Variants in MBOAT1 observed in about 807,000 individuals in gnomAD.
The protein encoded by MBOAT1 is membrane-bound glycerophospholipid O-acyltransferase 1.
MBOAT1 carries 67 observed loss-of-function variants against 64.4 expected under a neutral mutation model. The ratio of observed to expected loss-of-function variants is 1.04; its 90% CI spans 0.85 to 1.27. The LOEUF is 1.27. Among genes scored for constraint, MBOAT1 ranks in the 50% most tolerant of loss-of-function variants. MBOAT1 has a pLI of 0.00. For synonymous variants in MBOAT1, 229 were observed against 218.9 expected, an observed-to-expected ratio of 1.05 and a Z score of -0.41; for missense variants, 563 against 604.6, an observed-to-expected ratio of 0.93 and a Z score of 0.72.
chr6:20,192,995 C>CTTT (rs1174816793), intron 1 of MBOAT1, among the ~76,000 whole-genome samples: 2,063 of 54,984 alleles, frequency 0.038, 575 homozygotes, highest in African/African-American at 0.1. Context: ...GCTATAATTT[C>CTTT]TTTTTTTTTT....
intron 1 of MBOAT1, among the ~76,000 whole-genome samples, chr6:20,191,414 T>C (rs1433591969): frequency 6.6e-6 from 1 of 152,260 alleles, no homozygotes; most frequent in Non-Finnish European, 1.5e-5. Flanking sequence ...AGGCTTTCTC[T>C]AGTTTAACAT....
At chr6:20,170,084 C>T (rs1032259179) in intron 1 of MBOAT1, among the ~76,000 whole-genome samples, 2 of 152,322 alleles carry the variant, frequency 1.3e-5, no homozygotes, top group Admixed American at 1.3e-4. Context: ...ACCTCTCTGA[C>T]CAGGCTTATC....
chr6:20,152,339 TAAA>T (rs67093680), intron 2 of MBOAT1, among the ~76,000 whole-genome samples: 24,850 of 134,670 alleles, frequency 0.18, 2,424 homozygotes, highest in East Asian at 0.31. Flanking sequence ...AAAAAAAAAA[TAAA>T]AAATAAATAA....
intron 12 of MBOAT1, among the ~76,000 whole-genome samples, chr6:20,105,660 A>T (rs1002245527): frequency 6.6e-6 from 1 of 152,096 alleles, no homozygotes; most frequent in African/African-American, 2.4e-5. Flanking sequence ...GCTACTCGGG[A>T]GGCTGAGGTG....
intron 11 of MBOAT1, among the ~76,000 whole-genome samples, chr6:20,110,195 C>T (rs371414833): frequency 6.7e-6 from 1 of 149,492 alleles, no homozygotes; most frequent in Non-Finnish European, 1.5e-5. Flanking sequence ...AGGCGTGAGC[C>T]ACCGCGCCCG....
At chr6:20,208,587 T>C (rs192442477) in intron 1 of MBOAT1, among the ~76,000 whole-genome samples, 1 of 152,168 alleles carries the variant, frequency 6.6e-6, no homozygotes, top group Non-Finnish European at 1.5e-5. Flanking sequence ...CAAGCTTACA[T>C]TAATAATCCT....
intron 1 of MBOAT1, among the ~76,000 whole-genome samples, chr6:20,186,113 C>T (rs2148945): frequency 0.51 from 77,498 of 151,964 alleles, 20,344 homozygotes; most frequent in Admixed American, 0.64. Flanking sequence ...AGCCTAGGAG[C>T]TTGAGGCTGC....
intron 1 of MBOAT1, among the ~76,000 whole-genome samples, chr6:20,181,130 C>T (rs1762495500): frequency 6.6e-6 from 1 of 152,200 alleles, no homozygotes; most frequent in African/African-American, 2.4e-5. Flanking sequence ...AGGGCATTTC[C>T]CATCTTGTGG....
At chr6:20,111,085 A>G (rs1188377311) in intron 11 of MBOAT1, among the ~76,000 whole-genome samples, 2 of 152,206 alleles carry the variant, frequency 1.3e-5, no homozygotes, top group Non-Finnish European at 2.9e-5. Context: ...TTTTACAGAT[A>G]AATAAACTGA....
rs140530253 is a variant in MBOAT1, at chr6:20,145,839, C to T, written c.324-1524G>A. Among the ~76,000 whole-genome samples the T allele has an allele frequency of 6.1e-3, 925 of 152,296 alleles. 10 individuals carry two copies. Among genetic ancestry groups the T allele is most frequent in the African/African-American group, 0.021 (877 of 41,552 alleles). On this transcript the variant is annotated intron_variant, in intron 3 of 12. Transcript: ENST00000324607. ...CCTAATTTTCAGATAAGGCTCAGCT[C>T]CAAAGTCACCTCTTCTATGTTACTT...
At chr6:20,212,071 T>G in intron 1 of MBOAT1, 65 bp downstream of exon 1, 1 of 1,471,942 alleles carries the variant, frequency 6.8e-7, no homozygotes, top group Non-Finnish European at 9.4e-7. Flanking sequence ...GGCTAACACT[T>G]TCGCCCGCCC....
chr6:20,111,965 T>A (rs1447310761), intron 11 of MBOAT1, among the ~76,000 whole-genome samples: 1 of 148,578 alleles, frequency 6.7e-6, no homozygotes, highest in East Asian at 2.0e-4. Context: ...CACTGTGGTA[T>A]CCCAGCGCCT....
chr6:20,209,581 G>T lies in MBOAT1; in HGVS notation c.99+2555C>A, dbSNP rs75867730. 5.8e-3 allele frequency among the ~76,000 whole-genome samples: 881 copies of T among 152,286 alleles called. 8 individuals carry two copies. Among genetic ancestry groups the T allele is most frequent in the African/African-American group, 0.02 (849 of 41,544 alleles). On this transcript the variant is annotated intron_variant, in intron 1 of 12. Coordinates refer to ENST00000324607, the MANE Select transcript of MBOAT1 (RefSeq NM_001080480.3). ...CATTCACAGGAGTGCAATTAATCAGGAATTAGGATGTTAAGACATTAGGAA... is the reference window on the plus strand; with the variant it reads ...CATTCACAGGAGTGCAATTAATCAGTAATTAGGATGTTAAGACATTAGGAA...
chr6:20,152,776 CA>C lies in MBOAT1; in HGVS notation c.100-8del. The C allele has an allele frequency of 6.3e-7, 1 of 1,596,876 alleles. No homozygotes were observed. Among genetic ancestry groups the C allele is most frequent in the Non-Finnish European group, 8.5e-7 (1 of 1,172,298 alleles). ...GGCATACCACAAAATTCACCTGTGGCAGGGGAAGAGAAAATAAAAACCTTTG... is the reference window on the plus strand; with the variant it reads ...GGCATACCACAAAATTCACCTGTGGCGGGGAAGAGAAAATAAAAACCTTTG... On this transcript the variant is annotated splice_polypyrimidine_tract_variant and splice_region_variant and intron_variant, in intron 1 of 12. Transcript: ENST00000324607.
At chr6:20,183,332 T>C (rs1258940511) in intron 1 of MBOAT1, among the ~76,000 whole-genome samples, 2 of 152,230 alleles carry the variant, frequency 1.3e-5, no homozygotes, top group African/African-American at 2.4e-5. Flanking sequence ...CAGCCCTCTA[T>C]AGGTGAGCAG....
At chr6:20,139,043 T>C (rs894228775) in intron 4 of MBOAT1, among the ~76,000 whole-genome samples, 3 of 152,194 alleles carry the variant, frequency 2.0e-5, no homozygotes, top group Non-Finnish European at 4.4e-5. Flanking sequence ...CTGTCCCTCA[T>C]GGCTTTCTTA....
At chr6:20,102,873 A>ACGT (rs1232957639) in intron 12 of MBOAT1, among the ~76,000 whole-genome samples, 4 of 152,174 alleles carry the variant, frequency 2.6e-5, no homozygotes, top group Non-Finnish European at 5.9e-5. Flanking sequence ...TCACCTAGTG[A>ACGT]CGTCGTAGCC....
chr6:20,151,895 A>C (rs1178006728), intron 2 of MBOAT1, among the ~76,000 whole-genome samples: 2 of 152,192 alleles, frequency 1.3e-5, no homozygotes. Flanking sequence ...CAGGACTTAT[A>C]CCCACGTCTC....
At chr6:20,118,605 A>G in intron 8 of MBOAT1, 65 bp from the exon 9 acceptor site, 1 of 1,289,100 alleles carries the variant, frequency 7.8e-7, no homozygotes, top group Non-Finnish European at 1.1e-6. Flanking sequence ...TTTAAAAGAC[A>G]CTAAATATCT....
Sources: gnomAD v4.1 joint callset for allele counts (sites outside exome capture counted in the v4.1 genomes callset) on GRCh38, gnomAD v4.1.1 for gene constraint, MANE v1.5 for transcripts, NCBI Gene and HGNC (gene_info 2026-07-23, HGNC 2026-07-21) for gene names.